The following TAS1R1 variants were observed in gnomAD, a reference collection of about 807,000 sequenced individuals.
TAS1R1 encodes the protein taste 1 receptor member 1.
In TAS1R1, 31 loss-of-function variants were observed where a neutral mutation model predicts 45.8. That is an observed-to-expected ratio of 0.68 (90% CI 0.51 to 0.91). The LOEUF is 0.91. TAS1R1 is among the 40% of genes least tolerant of loss of function. TAS1R1 has a pLI of 0.00. For synonymous variants in TAS1R1, 437 were observed against 448.4 expected (o/e 0.97, Z 0.32); for missense variants, 1,051 against 1,063.9 (o/e 0.99, Z 0.17).
In TAS1R1 at chr1:6,574,389, C is replaced by G. The variant is rs1316777645; in HGVS notation, c.499-242C>G. Among the ~76,000 whole-genome samples the G allele has an allele frequency of 2.0e-5, 3 of 152,224 alleles. No homozygotes were observed. Among genetic ancestry groups the G allele is most frequent in the Non-Finnish European group, 4.4e-5 (3 of 68,042 alleles). On this transcript the variant is annotated intron_variant, in intron 2 of 5. Coordinates refer to ENST00000333172, the MANE Select transcript of TAS1R1 (RefSeq NM_138697.4). This position sits in a 1 kb window ranked among gnomAD's most constrained non-coding sequence, Gnocchi z 4.3. The stretch of plus-strand genomic sequence containing the variant: ...CCCAAACACACGGGACTATTTCACT[C>G]CTATGCAGGTTTTGTCTCCTTTGCT...
intron 2 of TAS1R1, among the ~76,000 whole-genome samples, chr1:6,573,693 C>T (rs942259052): frequency 3.3e-5 from 5 of 151,612 alleles, no homozygotes; most frequent in African/African-American, 4.8e-5. Context: ...GACGGAGTTT[C>T]GCTCTGTCGC....
Position 6,579,591 on chromosome 1 carries a change from G to A in TAS1R1, c.*7G>A, listed in dbSNP as rs1372782734. ...GCGCTGCGGCTCCACCTGACCAGTG[G>A]GTCAGCAGGCACGGCTGGCAGCCTT... On this transcript the variant is annotated 3_prime_UTR_variant, in exon 6 of 6. Coordinates refer to ENST00000333172, the MANE Select transcript of TAS1R1 (RefSeq NM_138697.4). The A allele has an allele frequency of 1.3e-6, 2 of 1,593,756 alleles. No homozygotes were observed. The highest frequency in any genetic ancestry group is 1.3e-5 in the African/African-American group (1 of 74,714).
At chr1:6,557,921 G>A (rs1362190644) in intron 1 of TAS1R1, among the ~76,000 whole-genome samples, 1 of 152,196 alleles carries the variant, frequency 6.6e-6, no homozygotes, top group Non-Finnish European at 1.5e-5. Context: ...TTCCTGGTGG[G>A]CTCCAGACAG....
At position 6,574,978 on chromosome 1, in the gene TAS1R1, GT is replaced by G; in HGVS notation, c.851del (p.Phe284SerfsTer6). Reference sequence around the variant, plus strand: ...TTTCCAGCCGGCAGTTGGCCAGGGTGTTTTTCGAGTCCGTGGTGCTGACCAA... The same window carrying G: ...TTTCCAGCCGGCAGTTGGCCAGGGTGTTTTCGAGTCCGTGGTGCTGACCAA... ...VFSSRQLARV[F>X]FESVVLTNLT... On this transcript the variant is annotated frameshift_variant, in exon 3 of 6. Coordinates refer to ENST00000333172, the MANE Select transcript of TAS1R1 (RefSeq NM_138697.4). LOFTEE classifies it high-confidence loss of function. The surrounding 1 kb of genome is among the most constrained non-coding windows in gnomAD (Gnocchi z 4.3). 1.2e-6 allele frequency: 2 copies of G among 1,604,626 alleles called. No individual in the cohort carries two copies. The highest frequency in any genetic ancestry group is 1.7e-6 in the Non-Finnish European group (2 of 1,174,124).
At chr1:6,564,964 G>T (rs1204528503) in intron 1 of TAS1R1, among the ~76,000 whole-genome samples, 1 of 152,124 alleles carries the variant, frequency 6.6e-6, no homozygotes, top group African/African-American at 2.4e-5. Flanking sequence ...ATATACGACA[G>T]TTGGAGGTTA....
chr1:6,575,431 C>G, intron 3 of TAS1R1, 39 bp downstream of exon 3: 1 of 1,518,472 alleles, frequency 6.6e-7, no homozygotes. Flanking sequence ...TCAGGGAGAA[C>G]AGCCAATCCT....
intron 1 of TAS1R1, among the ~76,000 whole-genome samples, chr1:6,564,936 T>C (rs1267819585): frequency 1.3e-5 from 2 of 151,102 alleles, no homozygotes; most frequent in Non-Finnish European, 3.0e-5. Context: ...GGAGCGCCGC[T>C]TGGGAGGAAG....
chr1:6,575,009 A>G lies in TAS1R1; in HGVS notation c.877A>G (p.Thr293Ala), dbSNP rs1365137489. The change falls in exon 3 of 6, where the codon ACT becomes GCT. Residue 293 changes from threonine (T) to alanine (A), a missense_variant. Coordinates refer to ENST00000333172, the MANE Select transcript of TAS1R1 (RefSeq NM_138697.4). ...CGAGTCCGTGGTGCTGACCAACCTG[A>G]CTGGCAAGGTGTGGGTCGCCTCAGA... ...FFESVVLTNL[T>A]GKVWVASEAW... 1.5e-5 allele frequency: 24 copies of G among 1,590,390 alleles called. No individual in the cohort carries two copies. The highest frequency in any genetic ancestry group is 2.1e-5 in the Non-Finnish European group (24 of 1,166,464).
At position 6,579,347 on chromosome 1, in the gene TAS1R1, C is replaced by CT; in HGVS notation, c.2291dup (p.Ser765GlnfsTer47). ...ACTACAACGAGGCCAAATGTGTCAC[C>CT]TTCAGCCTGCTCTTCAACTTCGTGT... is the stretch of plus-strand genomic sequence containing the variant. On this transcript the variant is annotated frameshift_variant, in exon 6 of 6. Transcript: ENST00000333172. LOFTEE classifies it low-confidence loss of function (END_TRUNC). The CT allele has an allele frequency of 1.9e-6, 3 of 1,614,104 alleles. No homozygotes were observed. Among genetic ancestry groups the CT allele is most frequent in the Non-Finnish European group, 2.5e-6 (3 of 1,180,056 alleles).
intron 5 of TAS1R1, 40 bp downstream of exon 5, chr1:6,577,110 C>CG (rs1310212515): frequency 6.2e-7 from 1 of 1,613,026 alleles, no homozygotes; most frequent in South Asian, 1.1e-5. Flanking sequence ...CCAGCACTCC[C>CG]GGGGGCTGCA....
chr1:6,576,842 C>T (rs1640193074), intron 4 of TAS1R1, 108 bp from the exon 5 acceptor site: 1 of 1,567,972 alleles, frequency 6.4e-7, no homozygotes, highest in Non-Finnish European at 8.7e-7. Flanking sequence ...GGGCCCTGCC[C>T]TGGGAGTGAG....
chr1:6,559,956 C>T (rs1639753369), intron 1 of TAS1R1, among the ~76,000 whole-genome samples: 1 of 148,240 alleles, frequency 6.7e-6, no homozygotes. Flanking sequence ...TGCCATTACA[C>T]TCCAGCCTGG....
At position 6,575,030 on chromosome 1, in the gene TAS1R1, T is replaced by C. The variant is rs754969324; in HGVS notation, c.898T>C (p.Ser300Pro). 4.4e-6 allele frequency: 7 copies of C among 1,586,252 alleles called. No homozygotes were observed. Among genetic ancestry groups the C allele is most frequent in the Admixed American group, 1.7e-5 (1 of 58,060 alleles). Residue 300 changes from serine (S) to proline (P), a missense_variant, in exon 3 of 6, where the codon TCA (serine) becomes CCA (proline). Transcript: ENST00000333172. ...TNLTGKVWVASEAWALSRHIT... is the reference protein window; with the variant it reads ...TNLTGKVWVAPEAWALSRHIT... ...CCTGACTGGCAAGGTGTGGGTCGCC[T>C]CAGAAGCCTGGGCCCTCTCCAGGCA...
At chr1:6,566,723 G>A (rs1004811613) in intron 1 of TAS1R1, among the ~76,000 whole-genome samples, 1 of 152,300 alleles carries the variant, frequency 6.6e-6, no homozygotes, top group South Asian at 2.1e-4. Flanking sequence ...AGCTTCCCAA[G>A]TAGCTGGGAC....
At position 6,575,220 on chromosome 1, in the gene TAS1R1, T is replaced by C. The variant is rs757060471; in HGVS notation, c.1088T>C (p.Leu363Pro). Residue 363 changes from leucine (L) to proline (P), a missense_variant, in exon 3 of 6, where the codon CTC (leucine) becomes CCC (proline). Coordinates refer to ENST00000333172, the MANE Select transcript of TAS1R1 (RefSeq NM_138697.4). Reference sequence around the variant, plus strand: ...GGCTCCTGGTGCAGCAGCAATCAGCTCTGCAGAGAATGCCAAGCTTTCATG... The same window carrying C: ...GGCTCCTGGTGCAGCAGCAATCAGCCCTGCAGAGAATGCCAAGCTTTCATG... ...HKGSWCSSNQ[L>P]CRECQAFMAH... 1 of 1,613,432 alleles carries C rather than the reference T, an allele frequency of 6.2e-7. No individual in the cohort carries two copies. Among genetic ancestry groups the C allele is most frequent in the Non-Finnish European group, 8.5e-7 (1 of 1,179,814 alleles).
At chr1:6,561,239 C>T (rs1557801817) in intron 1 of TAS1R1, among the ~76,000 whole-genome samples, 1 of 152,200 alleles carries the variant, frequency 6.6e-6, no homozygotes, top group Non-Finnish European at 1.5e-5. Context: ...GGCCAGGAGT[C>T]TGAAAGGCGC....
At chr1:6,567,572 A>AG (rs1639897580) in intron 1 of TAS1R1, among the ~76,000 whole-genome samples, 1 of 151,042 alleles carries the variant, frequency 6.6e-6, no homozygotes, top group Non-Finnish European at 1.5e-5. Flanking sequence ...AGAAAAAAAA[A>AG]AAAAAGAGGA....
chr1:6,569,039 G>T (rs1389832183), intron 1 of TAS1R1, among the ~76,000 whole-genome samples: 1 of 152,058 alleles, frequency 6.6e-6, no homozygotes, highest in Non-Finnish European at 1.5e-5. Context: ...CTGGTTGAGG[G>T]GCATGTTGGG....
rs772335281 is a variant in TAS1R1, at chr1:6,575,375, C to G, written c.1243C>G (p.Arg415Gly). The G allele has an allele frequency of 3.8e-6, 6 of 1,573,222 alleles. No individual in the cohort carries two copies. In the African/African-American group the frequency reaches 8.2e-5, roughly 21 times the overall value. The stretch of plus-strand genomic sequence containing the variant: ...TGCCTCTGGAGCTTGTTCCAGGGGC[C>G]GAGTCTACCCCTGGCAGGTAAGAGA... Reference protein sequence around the residue: ...GCASGACSRGRVYPWQLLEQI... With the variant: ...GCASGACSRGGVYPWQLLEQI... Residue 415 changes from arginine (R) to glycine (G), a missense_variant, in exon 3 of 6, where the codon CGA becomes GGA. Coordinates refer to ENST00000333172, the MANE Select transcript of TAS1R1 (RefSeq NM_138697.4).
Sources: gnomAD v4.1 joint callset for allele counts (sites outside exome capture counted in the v4.1 genomes callset) on GRCh38, gnomAD v4.1.1 for gene constraint, Gnocchi (gnomAD v3.1) non-coding constraint, MANE v1.5 for transcripts, NCBI Gene and HGNC (gene_info 2026-07-23, HGNC 2026-07-21) for gene names.